The following NCKAP5 variants were observed in gnomAD, a reference collection of about 807,000 sequenced individuals.
The protein encoded by NCKAP5 is NCK associated protein 5, also known as nck-associated protein 5.
Under a neutral mutation model 167.0 loss-of-function variants are expected in NCKAP5, and 92 were observed. The ratio of observed to expected loss-of-function variants is 0.55; its 90% CI spans 0.47 to 0.66. The LOEUF (loss-of-function observed/expected upper bound fraction) is 0.66, where lower values mean the gene tolerates loss of function less well. NCKAP5 is among the 30% of genes least tolerant of loss of function. NCKAP5 has a pLI of 0.00. For missense variants in NCKAP5, 2,378 were observed against 2,315.0 expected (o/e 1.03, Z -0.56); for synonymous variants, 891 against 877.4 (o/e 1.02, Z -0.27).
At chr2:133,660,871 C>T in the NCKAP5 span, among the ~76,000 whole-genome samples, 2 of 151,688 alleles carry the variant, frequency 1.3e-5, no homozygotes, top group African/African-American at 4.8e-5. Context: ...CTTTCCTTGG[C>T]ACCTTCTGGT....
At chr2:132,741,391 G>A (rs1347014887) in intron 16 of NCKAP5, among the ~76,000 whole-genome samples, 1 of 152,068 alleles carries the variant, frequency 6.6e-6, no homozygotes, top group Non-Finnish European at 1.5e-5. Flanking sequence ...CTTGTACACA[G>A]TACTTACTGT....
At chr2:132,913,689 C>T (rs755282533) in intron 8 of NCKAP5, among the ~76,000 whole-genome samples, 1 of 151,922 alleles carries the variant, frequency 6.6e-6, no homozygotes, top group Non-Finnish European at 1.5e-5. Context: ...CACCAAAATG[C>T]CTCTTGCAAA....
the NCKAP5 span, among the ~76,000 whole-genome samples, chr2:133,589,450 A>G: frequency 6.6e-6 from 1 of 152,172 alleles, no homozygotes; most frequent in Non-Finnish European, 1.5e-5. Flanking sequence ...TGGGATACCT[A>G]GCAAGCATCC....
At chr2:132,809,481 T>C (rs1685690255) in intron 11 of NCKAP5, among the ~76,000 whole-genome samples, 1 of 151,454 alleles carries the variant, frequency 6.6e-6, no homozygotes, top group Non-Finnish European at 1.5e-5. Flanking sequence ...AGGATTGTGA[T>C]ATTTTCCTGT....
chr2:133,452,592 A>G (rs1691615707), intron 3 of NCKAP5, among the ~76,000 whole-genome samples: 1 of 152,212 alleles, frequency 6.6e-6, no homozygotes, highest in South Asian at 2.1e-4. Context: ...TTGCCTGTAC[A>G]CAATCTCCTC....
chr2:133,413,976 T>A (rs181433873), intron 3 of NCKAP5, among the ~76,000 whole-genome samples: 49 of 152,328 alleles, frequency 3.2e-4, no homozygotes, highest in Admixed American at 2.8e-3. Flanking sequence ...CACTACATCA[T>A]GAATAAGAAC....
chr2:132,741,811 C>T (rs56700880), intron 16 of NCKAP5, among the ~76,000 whole-genome samples: 54 of 152,190 alleles, frequency 3.5e-4, no homozygotes, highest in African/African-American at 1.3e-3. Flanking sequence ...CACTGTTATC[C>T]TTGCCCATTC....
rs925709083 is a variant in NCKAP5 at position 133,504,870 on chromosome 2, A to T, written c.69+12588T>A. Among the ~76,000 whole-genome samples the T allele has an allele frequency of 2.6e-5, 4 of 152,030 alleles. No homozygotes were observed. In the East Asian group the frequency reaches 7.7e-4, roughly 29 times the overall value. ...ACCCCTCTGAGTCTTTTTTCCCCCT[A>T]TCGGAGCAAAGGCAGTCAGATGGGA... On this transcript the variant is annotated intron_variant, in intron 3 of 19. Transcript: ENST00000409261.
chr2:133,576,391 C>A, the NCKAP5 span, among the ~76,000 whole-genome samples: 1 of 152,170 alleles, frequency 6.6e-6, no homozygotes, highest in African/African-American at 2.4e-5. Context: ...TTGAAGGGTA[C>A]ATGAATCTAC....
intron 6 of NCKAP5, among the ~76,000 whole-genome samples, chr2:133,059,701 G>GA (rs1292206508): frequency 6.6e-6 from 1 of 150,386 alleles, no homozygotes; most frequent in Non-Finnish European, 1.5e-5. Flanking sequence ...AAAAGAAAAA[G>GA]AAAAAAAAGG....
intron 3 of NCKAP5, among the ~76,000 whole-genome samples, chr2:133,512,760 G>A (rs1376202344): frequency 1.3e-5 from 2 of 152,190 alleles, no homozygotes; most frequent in Non-Finnish European, 2.9e-5. Context: ...AAAGGATGCA[G>A]GACCAATATC....
intron 6 of NCKAP5, among the ~76,000 whole-genome samples, chr2:133,083,310 G>C (rs779640535): frequency 2.0e-5 from 3 of 152,122 alleles, no homozygotes; most frequent in Non-Finnish European, 2.9e-5. Context: ...AGGCTACACA[G>C]CTTCCTTGAA....
the NCKAP5 span, among the ~76,000 whole-genome samples, chr2:133,661,560 C>T: frequency 2.6e-5 from 4 of 152,210 alleles, no homozygotes; most frequent in African/African-American, 7.2e-5. Context: ...TAACAGGACA[C>T]GCTCTCCAGT....
intron 7 of NCKAP5, among the ~76,000 whole-genome samples, chr2:132,972,561 T>TA (rs1034198201): frequency 1.3e-5 from 2 of 150,262 alleles, no homozygotes; most frequent in African/African-American, 2.5e-5. Context: ...CCATCTCTAC[T>TA]AAAAAAAATA....
chr2:133,499,293 A>G (rs1559529597), intron 3 of NCKAP5, among the ~76,000 whole-genome samples: 1 of 152,248 alleles, frequency 6.6e-6, no homozygotes, highest in Non-Finnish European at 1.5e-5. Flanking sequence ...TGAGATAAAT[A>G]TTTAACTTGC....
At chr2:133,256,418 C>T (rs1017811232) in intron 4 of NCKAP5, among the ~76,000 whole-genome samples, 1 of 151,784 alleles carries the variant, frequency 6.6e-6, no homozygotes, top group African/African-American at 2.4e-5. Context: ...ATGTTTATTC[C>T]AATCTTCCTA....
chr2:133,354,664 A>T (rs1442562435), intron 3 of NCKAP5, among the ~76,000 whole-genome samples: 1 of 152,168 alleles, frequency 6.6e-6, no homozygotes, highest in East Asian at 1.9e-4. Context: ...GAATACCTCT[A>T]CCAAAATTAT....
chr2:133,202,537 G>C (rs1176354140), intron 5 of NCKAP5, among the ~76,000 whole-genome samples: 1 of 152,104 alleles, frequency 6.6e-6, no homozygotes, highest in African/African-American at 2.4e-5. Flanking sequence ...ATTGACAAAT[G>C]GGATCTCATT....
chr2:132,928,251 G>A (rs887602712), intron 8 of NCKAP5, among the ~76,000 whole-genome samples: 2 of 152,188 alleles, frequency 1.3e-5, no homozygotes, highest in Non-Finnish European at 1.5e-5. Context: ...AGGTTACAGG[G>A]AGAATTAAAT....
Sources: allele counts gnomAD v4.1 joint callset (sites outside exome capture counted in the v4.1 genomes callset), GRCh38; gene constraint gnomAD v4.1.1; transcripts MANE v1.5; gene names NCBI Gene and HGNC (gene_info 2026-07-23, HGNC 2026-07-21).